TNC: variants seen among roughly 807,000 people sequenced by gnomAD.
TNC encodes tenascin.
Under a neutral mutation model 202.4 loss-of-function variants are expected in TNC, and 109 were observed. The observed-to-expected ratio is 0.54, with a 90% CI of 0.46 to 0.63. TNC has a LOEUF of 0.63. Among genes scored for constraint, TNC ranks in the 30% least tolerant of loss-of-function variants. The probability of loss-of-function intolerance (pLI) is 0.00; values close to 1 mark genes in which losing one functional copy is unlikely to be tolerated. For synonymous variants in TNC, 1,007 were observed against 1,089.7 expected (o/e 0.92, Z 1.50); for missense variants, 2,756 against 2,833.3 (o/e 0.97, Z 0.62).
intron 1 of TNC, among the ~76,000 whole-genome samples, chr9:115,096,953 C>G (rs1305858509): frequency 6.6e-6 from 1 of 152,174 alleles, no homozygotes; most frequent in African/African-American, 2.4e-5. Context: ...TCTAATGTCT[C>G]TTTCTGTCTG....
Position 115,091,048 on chromosome 9 carries a change from GGGGCTCTA to G in TNC, c.-38_-31del. The G allele has an allele frequency of 6.3e-7, 1 of 1,577,838 alleles. No homozygotes were observed. Among genetic ancestry groups the G allele is most frequent in the Non-Finnish European group, 8.6e-7 (1 of 1,158,030 alleles). On this transcript the variant is annotated 5_prime_UTR_variant, in exon 2 of 28. Transcript: ENST00000350763. Reference sequence around the variant, plus strand: ...GAGGTGGGTTTGGCTGGGTGCTGCTGGGGCTCTAGGGCTCTAGGGTATCTCACTTTCAG... The same window carrying G: ...GAGGTGGGTTTGGCTGGGTGCTGCTGGGGCTCTAGGGTATCTCACTTTCAG...
rs368922759 is a variant in TNC at position 115,078,081 on chromosome 9, G to A, written c.2536C>T (p.Arg846Cys). The A allele has an allele frequency of 5.0e-5, 81 of 1,613,976 alleles. No individual in the cohort carries two copies. Among genetic ancestry groups the A allele is most frequent in the East Asian group, 3.3e-4 (15 of 44,886 alleles). ...TYGIKDVPGD[R>C]TTIDLTEDEN... Reference sequence around the variant, plus strand: ...TCCTCTGTGAGATCGATGGTGGTACGGTCTCCTGGCACGTCTTTGATGCCG... The same window carrying A: ...TCCTCTGTGAGATCGATGGTGGTACAGTCTCCTGGCACGTCTTTGATGCCG... Residue 846 changes from arginine to cysteine, a missense_variant, in exon 7 of 28, where the codon CGT becomes TGT. By Grantham distance (180) the Arg-to-Cys change is radical. Coordinates refer to ENST00000350763, the MANE Select transcript of TNC (RefSeq NM_002160.4).
rs751653347 is a variant in TNC at position 115,073,832 on chromosome 9, T to C, written c.2985A>G (p.Glu995=). The C allele has an allele frequency of 1.2e-6, 2 of 1,613,100 alleles. No homozygotes were observed. The highest frequency in any genetic ancestry group is 2.2e-5 in the South Asian group (2 of 91,080). The change falls in exon 10 of 28, where the codon GAA becomes GAG. Residue 995 remains glutamate, a synonymous_variant. Coordinates refer to ENST00000350763, the MANE Select transcript of TNC (RefSeq NM_002160.4). ...GCAGGGTCAGGCTGGTCTCTGCAGT[T>C]TCAGAAACCTGAAGGTCCTTGGGCG... ...LDTPKDLQVS[E]TAETSLTLLW... is the part of the protein sequence containing the mutation.
intron 15 of TNC, among the ~76,000 whole-genome samples, chr9:115,049,743 C>T (rs560595544): frequency 6.6e-6 from 1 of 151,062 alleles, no homozygotes; most frequent in Admixed American, 6.6e-5. Flanking sequence ...CTAGTTTAGA[C>T]ACTTCTTTTC....
At chr9:115,035,958 G>T in intron 21 of TNC, 140 bp downstream of exon 21, 4 of 998,316 alleles carry the variant, frequency 4.0e-6, no homozygotes, top group Non-Finnish European at 6.0e-6. Context: ...GGGCACTGGT[G>T]AATTTAAGTG....
chr9:115,086,784 G>A lies in TNC; in HGVS notation c.947C>T (p.Pro316Leu). 6.2e-7 allele frequency: 1 copy of A among 1,613,912 alleles called. No individual in the cohort carries two copies. The highest frequency in any genetic ancestry group is 1.6e-4 in the Middle Eastern group (1 of 6,062). The change falls in exon 3 of 28, where the codon CCC becomes CTC. Residue 316 changes from proline to leucine, a missense_variant. Physicochemically the swap from Pro to Leu is moderately conservative, Grantham distance 98 (BLOSUM62 -3). Coordinates refer to ENST00000350763, the MANE Select transcript of TNC (RefSeq NM_002160.4). ...TGEDCSELIC[P>L]NDCFDRGRCI... ...GCGGCCCCGGTCGAAGCAGTCATTG[G>A]GGCAGATGAGCTCACTGCAGTCTTC...
chr9:115,078,663 C>T (rs188726242), intron 6 of TNC, among the ~76,000 whole-genome samples: 300 of 152,098 alleles, frequency 2.0e-3, no homozygotes, highest in Non-Finnish European at 3.4e-3. Flanking sequence ...TCAGAATTAC[C>T]AAGCAGAAAA....
Position 115,086,663 on chromosome 9 carries a change from A to C in TNC, c.1068T>G (p.Cys356Trp). The C allele has an allele frequency of 6.2e-7, 1 of 1,613,988 alleles. No individual in the cohort carries two copies. Among genetic ancestry groups the C allele is most frequent in the Non-Finnish European group, 8.5e-7 (1 of 1,179,992 alleles). The change falls in exon 3 of 28, where the codon TGT becomes TGG. Residue 356 changes from cysteine to tryptophan, a missense_variant. By Grantham distance (215) the Cys-to-Trp change is radical. Transcript: ENST00000350763. ...CPHACHTQGR[C>W]EEGQCVCDEG... Reference sequence around the variant, plus strand: ...CATCACATACACACTGCCCCTCCTCACACCGGCCCTGGGTGTGGCAGGCAT... The same window carrying C: ...CATCACATACACACTGCCCCTCCTCCCACCGGCCCTGGGTGTGGCAGGCAT...
intron 1 of TNC, among the ~76,000 whole-genome samples, chr9:115,106,169 T>C (rs1440325479): frequency 4.6e-5 from 7 of 152,212 alleles, no homozygotes; most frequent in Admixed American, 1.3e-4. Flanking sequence ...ATTTATACTG[T>C]GCGTGGCACT....
At chr9:115,075,147 TG>T (rs1188178437) in intron 9 of TNC, among the ~76,000 whole-genome samples, 1 of 151,920 alleles carries the variant, frequency 6.6e-6, no homozygotes, top group Non-Finnish European at 1.5e-5. Context: ...AGCTGGGGGC[TG>T]GGGGAGAGGC....
Position 115,069,943 on chromosome 9 carries a change from G to A in TNC, c.3214+3660C>T, listed in dbSNP as rs555138854. On this transcript the variant is annotated intron_variant, in intron 10 of 27. Transcript: ENST00000350763. ...TATGCCTTAAGGAAAGAATTGGGGT[G>A]TTAATGCAGAGGTGGAAGGGAAGAA... Among the ~76,000 whole-genome samples, 22 of 151,318 alleles carry A rather than the reference G, an allele frequency of 1.5e-4. No individual in the cohort carries two copies. In the South Asian group the frequency reaches 4.2e-3, roughly 29 times the overall value.
Position 115,057,530 on chromosome 9 carries a change from G to A in TNC, c.4307-105C>T, listed in dbSNP as rs567594216. On this transcript the variant is annotated intron_variant, in intron 14 of 27. Coordinates refer to ENST00000350763, the MANE Select transcript of TNC (RefSeq NM_002160.4). ...TAATAGAACCATTGCTGGGTAGAGA[G>A]ATCTGATAATTCAGGGCTATGATGG... The A allele has an allele frequency of 4.8e-5, 57 of 1,199,746 alleles. No homozygotes were observed. In the South Asian group the frequency reaches 8.1e-4, roughly 17 times the overall value. The allele number at this position is 1,199,746 out of a possible 1,614,324, so 74.3% of individuals were successfully genotyped here. A position where few individuals can be genotyped will look rare whatever the true frequency, so the allele number is the denominator to read the frequency against.
chr9:115,030,171 A>G (rs1829837668), intron 24 of TNC, 83 bp downstream of exon 24: 1 of 1,406,972 alleles, frequency 7.1e-7, no homozygotes, highest in Admixed American at 2.0e-5. Flanking sequence ...CATCAGGAGG[A>G]GATCACCCTC....
chr9:115,062,196 G>A (rs76627923), intron 13 of TNC, among the ~76,000 whole-genome samples: 2,657 of 152,276 alleles, frequency 0.017, 126 homozygotes, highest in East Asian at 0.11. Context: ...CGTGATGGGC[G>A]CTTTACTAAG....
intron 16 of TNC, among the ~76,000 whole-genome samples, chr9:115,047,080 T>C (rs1831254872): frequency 6.6e-6 from 1 of 152,120 alleles, no homozygotes; most frequent in South Asian, 2.1e-4. Flanking sequence ...CTTTTCTTTT[T>C]GAAAAGACAA....
At chr9:115,023,151 T>C (rs1829216313) in intron 27 of TNC, among the ~76,000 whole-genome samples, 1 of 152,116 alleles carries the variant, frequency 6.6e-6, no homozygotes. Flanking sequence ...GTCCTTGGGA[T>C]TCCAGTGAGC....
intron 7 of TNC, among the ~76,000 whole-genome samples, chr9:115,077,459 G>T (rs528572972): frequency 6.6e-6 from 1 of 152,280 alleles, no homozygotes; most frequent in Admixed American, 6.5e-5. Flanking sequence ...CCAAGTGCTG[G>T]GATTACAGGC....
intron 11 of TNC, 77 bp downstream of exon 11, chr9:115,064,570 G>A: frequency 6.7e-7 from 1 of 1,494,704 alleles, no homozygotes; most frequent in East Asian, 2.3e-5. Context: ...CCATTCCAAA[G>A]CTAGTCGTGT....
intron 1 of TNC, among the ~76,000 whole-genome samples, chr9:115,096,207 A>T (rs906015717): frequency 3.6e-4 from 55 of 152,238 alleles, no homozygotes; most frequent in African/African-American, 1.3e-3. Flanking sequence ...TAAAATCCAC[A>T]ATAAAAACTT....
Sources: allele counts gnomAD v4.1 joint callset (sites outside exome capture counted in the v4.1 genomes callset), GRCh38; gene constraint gnomAD v4.1.1; transcripts MANE v1.5; gene names NCBI Gene and HGNC (gene_info 2026-07-23, HGNC 2026-07-21).